MARCHF11: variants seen among roughly 807,000 people sequenced by gnomAD.
The protein encoded by MARCHF11 is membrane associated ring-CH-type finger 11.
A neutral mutation model predicts 37.3 loss-of-function variants in MARCHF11; 29 were observed. That is an observed-to-expected ratio of 0.78 (90% confidence interval 0.58 to 1.06). The LOEUF is 1.06. MARCHF11 is among the 50% of genes least tolerant of loss of function. The pLI, the probability that MARCHF11 is intolerant of heterozygous loss-of-function variation, is 0.00. For synonymous variants in MARCHF11, 233 were observed against 228.0 expected, an observed-to-expected ratio of 1.02 and a Z score of -0.20; for missense variants, 482 against 533.4, an observed-to-expected ratio of 0.90 and a Z score of 0.95.
chr5:16,101,305 G>A (rs1736953879), intron 2 of MARCHF11, among the ~76,000 whole-genome samples: 2 of 152,166 alleles, frequency 1.3e-5, no homozygotes, highest in South Asian at 4.1e-4. Context: ...GAACCCCGGA[G>A]GCGGAGCTTG....
chr5:16,179,470 G>GCGGCGGGGT lies in MARCHF11; in HGVS notation c.105_106insACCCCGCCG (p.Thr33_Pro35dup), dbSNP rs1738433376. The GCGGCGGGGT allele has an allele frequency of 8.8e-7, 1 of 1,132,026 alleles. No homozygotes were observed. Among genetic ancestry groups the GCGGCGGGGT allele is most frequent in the Admixed American group, 4.9e-5 (1 of 20,326 alleles). The allele number at this position is 1,132,026 out of a possible 1,614,324, so 70.1% of individuals were successfully genotyped here. Reference sequence around the variant, plus strand: ...GCGGGGACCGGGGCCGGCTCTCCCGGCGGCGGCGTCGGCGGCGGCGGCGGG... The same window carrying GCGGCGGGGT: ...GCGGGGACCGGGGCCGGCTCTCCCGGCGGCGGGGTCGGCGGCGTCGGCGGCGGCGGCGGG... On this transcript the variant is annotated inframe_insertion, in exon 1 of 4. Transcript: ENST00000332432.
chr5:16,118,237 A>G (rs1737253267), intron 2 of MARCHF11, among the ~76,000 whole-genome samples: 1 of 152,242 alleles, frequency 6.6e-6, no homozygotes, highest in East Asian at 1.9e-4. Flanking sequence ...AGAGCCTGTG[A>G]GTCCTTCCAA....
intron 3 of MARCHF11, among the ~76,000 whole-genome samples, chr5:16,079,298 C>T (rs936722048): frequency 6.6e-6 from 1 of 152,216 alleles, no homozygotes; most frequent in Non-Finnish European, 1.5e-5. Context: ...TCTCAATGCA[C>T]CCACTTCCAC....
At chr5:16,116,490 T>C (rs1737228505) in intron 2 of MARCHF11, among the ~76,000 whole-genome samples, 1 of 152,174 alleles carries the variant, frequency 6.6e-6, no homozygotes, top group Non-Finnish European at 1.5e-5. Context: ...CAGAGAATTG[T>C]TATTACAAGT....
chr5:16,161,243 T>G (rs1416264520), intron 2 of MARCHF11, among the ~76,000 whole-genome samples: 3 of 135,956 alleles, frequency 2.2e-5, no homozygotes, highest in African/African-American at 8.4e-5. Context: ...TAGTCCACTA[T>G]GAAAGCAATC....
chr5:16,139,480 C>T (rs971984725), intron 2 of MARCHF11, among the ~76,000 whole-genome samples: 8 of 152,098 alleles, frequency 5.3e-5, no homozygotes, highest in Non-Finnish European at 8.8e-5. Flanking sequence ...TGGACTAATA[C>T]ATATGCTATA....
At chr5:16,097,452 T>C (rs192726132) in intron 2 of MARCHF11, among the ~76,000 whole-genome samples, 7 of 152,234 alleles carry the variant, frequency 4.6e-5, no homozygotes, top group Admixed American at 3.9e-4. Context: ...GAGAAAATCA[T>C]TAGAAAACAT....
In MARCHF11 at chr5:16,116,466, C is replaced by T. The variant is rs571420297; in HGVS notation, c.694-25385G>A. 3.3e-5 allele frequency among the ~76,000 whole-genome samples: 5 copies of T among 152,226 alleles called. No homozygotes were observed. In the South Asian group the frequency reaches 8.3e-4, roughly 25 times the overall value. On this transcript the variant is annotated intron_variant, in intron 2 of 3. Coordinates refer to ENST00000332432, the MANE Select transcript of MARCHF11 (RefSeq NM_001102562.3). ...CAAATAGCTTAGTTCAGTGTTACCC[C>T]CACCCTCTAATTGCAGAGAATTGTT... is the stretch of plus-strand genomic sequence containing the variant.
chr5:16,129,708 A>C lies in MARCHF11; in HGVS notation c.694-38627T>G, dbSNP rs189490551. Among the ~76,000 whole-genome samples the C allele has an allele frequency of 2.6e-5, 4 of 152,208 alleles. No individual in the cohort carries two copies. The East Asian group carries it at 7.7e-4, about 29-fold the overall frequency. On this transcript the variant is annotated intron_variant, in intron 2 of 3. Coordinates refer to ENST00000332432, the MANE Select transcript of MARCHF11 (RefSeq NM_001102562.3). Reference sequence around the variant, plus strand: ...AAAATTAACTGTAGGATGGAATAAGATATTTGCAATACCCTTCTTGAGTTT... The same window carrying C: ...AAAATTAACTGTAGGATGGAATAAGCTATTTGCAATACCCTTCTTGAGTTT...
chr5:16,082,537 C>T (rs966116312), intron 3 of MARCHF11, among the ~76,000 whole-genome samples: 5 of 152,166 alleles, frequency 3.3e-5, no homozygotes, highest in African/African-American at 1.2e-4. Flanking sequence ...AAGAATGTTC[C>T]TGTCCTTCCT....
chr5:16,124,165 G>A (rs1461591187), intron 2 of MARCHF11, among the ~76,000 whole-genome samples: 3 of 152,086 alleles, frequency 2.0e-5, no homozygotes, highest in African/African-American at 4.8e-5. Context: ...GAAGCAGCAT[G>A]GCCTGGGAAC....
chr5:16,118,632 G>A (rs1737259048), intron 2 of MARCHF11, among the ~76,000 whole-genome samples: 1 of 152,196 alleles, frequency 6.6e-6, no homozygotes, highest in Admixed American at 6.5e-5. Context: ...TTTGATAGAG[G>A]AGGAATCAGG....
intron 2 of MARCHF11, among the ~76,000 whole-genome samples, chr5:16,166,884 C>T (rs968590890): frequency 4.6e-5 from 4 of 86,458 alleles, no homozygotes; most frequent in African/African-American, 1.6e-4. Flanking sequence ...GAAACAAAAC[C>T]AACAGGATGT....
At chr5:16,122,911 A>C (rs781258281) in intron 2 of MARCHF11, among the ~76,000 whole-genome samples, 1 of 152,318 alleles carries the variant, frequency 6.6e-6, no homozygotes, top group Non-Finnish European at 1.5e-5. Context: ...TAAGCCAGAA[A>C]GGCTGGATTA....
intron 2 of MARCHF11, among the ~76,000 whole-genome samples, chr5:16,099,679 A>G (rs1736925298): frequency 6.6e-6 from 1 of 152,214 alleles, no homozygotes; most frequent in Non-Finnish European, 1.5e-5. Flanking sequence ...ATAGAAATCA[A>G]AAAAGAAAAT....
chr5:16,081,519 G>A (rs78581053), intron 3 of MARCHF11, among the ~76,000 whole-genome samples: 2,414 of 152,266 alleles, frequency 0.016, 50 homozygotes, highest in African/African-American at 0.054. Context: ...AAACACAGGC[G>A]GTGGACTGGA....
At chr5:16,084,892 C>T (rs1246917629) in intron 3 of MARCHF11, among the ~76,000 whole-genome samples, 2 of 151,554 alleles carry the variant, frequency 1.3e-5, no homozygotes, top group African/African-American at 4.8e-5. Flanking sequence ...ACAACATAAA[C>T]AATTACATTA....
chr5:16,067,911 T>C (rs1156984275), intron 3 of MARCHF11, 118 bp from the exon 4 acceptor site: 1 of 875,980 alleles, frequency 1.1e-6, no homozygotes, highest in Non-Finnish European at 1.7e-6. Flanking sequence ...TCAGCAAAAA[T>C]ACAGTATTCT....
chr5:16,101,665 T>C (rs1366362324), intron 2 of MARCHF11, among the ~76,000 whole-genome samples: 1 of 152,230 alleles, frequency 6.6e-6, no homozygotes, highest in Non-Finnish European at 1.5e-5. Flanking sequence ...ATCTAACTAA[T>C]TAGTAGGCGG....
Sources: allele counts gnomAD v4.1 joint callset (sites outside exome capture counted in the v4.1 genomes callset), GRCh38; gene constraint gnomAD v4.1.1; transcripts MANE v1.5; gene names NCBI Gene and HGNC (gene_info 2026-07-23, HGNC 2026-07-21).